The following CUX1 variants were observed in gnomAD, a reference collection of about 807,000 sequenced individuals.
The protein encoded by CUX1 is protein CASP.
Under a neutral mutation model 158.8 loss-of-function variants are expected in CUX1, and 31 were observed. That is an observed-to-expected ratio of 0.20 (90% confidence interval 0.15 to 0.26). The LOEUF is 0.26. Ranked by LOEUF, CUX1 falls within the 10% of genes least tolerant of loss-of-function variation. The pLI is 1.00. For missense variants in CUX1, 1,589 were observed against 2,014.6 expected (o/e 0.79, Z 4.04); for synonymous variants, 879 against 862.1 (o/e 1.02, Z -0.34).
intron 2 of CUX1, among the ~76,000 whole-genome samples, chr7:101,974,154 C>G (rs928673323): frequency 6.6e-6 from 1 of 151,828 alleles, no homozygotes; most frequent in Non-Finnish European, 1.5e-5. Context: ...CAACGTCCAC[C>G]TCCCTGGGCT....
At chr7:102,020,424 G>T (rs947840221) in intron 2 of CUX1, among the ~76,000 whole-genome samples, 2 of 150,042 alleles carry the variant, frequency 1.3e-5, no homozygotes, top group African/African-American at 2.4e-5. Context: ...AATATATATT[G>T]TCTTGTTTTT....
chr7:101,969,944 T>G (rs969909804), intron 2 of CUX1, among the ~76,000 whole-genome samples: 48 of 146,054 alleles, frequency 3.3e-4, no homozygotes, highest in African/African-American at 1.2e-3. Flanking sequence ...CCTTTTTCAA[T>G]TCTGAAACCA....
At chr7:102,246,486 C>T (rs1366308459) in intron 23 of CUX1, among the ~76,000 whole-genome samples, 2 of 152,150 alleles carry the variant, frequency 1.3e-5, no homozygotes, top group Non-Finnish European at 2.9e-5. Flanking sequence ...GTTCAATACC[C>T]TGGGCTAAGC....
In CUX1 at chr7:102,216,604, A is replaced by ACACT. The variant is rs1554524720; in HGVS notation, c.3131-10760_3131-10759insTCAC. 2.5e-4 allele frequency among the ~76,000 whole-genome samples: 16 copies of ACACT among 64,892 alleles called. No individual in the cohort carries two copies. The East Asian group carries it at 4.7e-3, about 19-fold the overall frequency. 42.6% of individuals were successfully genotyped at this position (64,892 alleles called of 152,430 possible). A position where few individuals can be genotyped will look rare whatever the true frequency, so the allele number is the denominator to read the frequency against. On this transcript the variant is annotated intron_variant, in intron 20 of 23. Coordinates refer to ENST00000292535, the MANE Select transcript of CUX1 (RefSeq NM_181552.4). ...CTCTCCCACACACACACTCCCACAC[A>ACACT]CACACACACACTCCCCACACACACA...
chr7:102,210,386 C>G (rs1554522808), intron 20 of CUX1, among the ~76,000 whole-genome samples: 1 of 152,116 alleles, frequency 6.6e-6, no homozygotes, highest in East Asian at 1.9e-4. Flanking sequence ...TGTAAGTCAC[C>G]ACACCCGGCC....
intron 3 of CUX1, among the ~76,000 whole-genome samples, chr7:102,038,674 C>T (rs540061911): frequency 1.1e-3 from 166 of 152,268 alleles, no homozygotes; most frequent in Admixed American, 1.9e-3. Flanking sequence ...ACAAGCATGG[C>T]GGGTGCGGTG....
chr7:101,825,798 T>TGC (rs72447961), intron 1 of CUX1, among the ~76,000 whole-genome samples: 359 of 78,406 alleles, frequency 4.6e-3, no homozygotes, highest in Middle Eastern at 0.016. Flanking sequence ...TGTGTGTGTG[T>TGC]GCGCGCGCGC....
intron 1 of CUX1, among the ~76,000 whole-genome samples, chr7:101,903,853 C>T (rs1802437724): frequency 6.6e-6 from 1 of 152,060 alleles, no homozygotes; most frequent in Non-Finnish European, 1.5e-5. Flanking sequence ...ATTCTTGATT[C>T]TTGATGGAAA....
chr7:101,874,592 A>T (rs567921447), intron 1 of CUX1, among the ~76,000 whole-genome samples: 1 of 152,270 alleles, frequency 6.6e-6, no homozygotes, highest in South Asian at 2.1e-4. Flanking sequence ...GGGCGGTATC[A>T]TCCTGGTTTT....
At chr7:101,974,788 T>C (rs1045717026) in intron 2 of CUX1, among the ~76,000 whole-genome samples, 18 of 152,160 alleles carry the variant, frequency 1.2e-4, no homozygotes, top group Admixed American at 4.6e-4. Flanking sequence ...GAATTATTTG[T>C]GCGTTGTATG....
At chr7:102,051,937 C>T (rs984631461) in intron 3 of CUX1, among the ~76,000 whole-genome samples, 21 of 152,096 alleles carry the variant, frequency 1.4e-4, no homozygotes, top group Admixed American at 6.6e-5. Flanking sequence ...ACTGGCCGGG[C>T]GCGGTGGCTC....
intron 1 of CUX1, among the ~76,000 whole-genome samples, chr7:101,911,403 C>T (rs538837214): frequency 1.0e-4 from 15 of 150,750 alleles, no homozygotes; most frequent in African/African-American, 2.2e-4. Flanking sequence ...TTGGCCCTGC[C>T]GTGGATGACC....
intron 2 of CUX1, among the ~76,000 whole-genome samples, chr7:101,953,917 A>T (rs970647339): frequency 1.3e-5 from 2 of 152,118 alleles, no homozygotes; most frequent in Non-Finnish European, 2.9e-5. Flanking sequence ...TATGGGCAGC[A>T]TGTCTGTATG....
At chr7:102,208,539 C>T (rs1478241468) in intron 20 of CUX1, among the ~76,000 whole-genome samples, 1 of 152,194 alleles carries the variant, frequency 6.6e-6, no homozygotes, top group Non-Finnish European at 1.5e-5. Context: ...CCGTGCCCCA[C>T]CTAGTATATG....
At chr7:102,069,598 A>C (rs968646809) in intron 3 of CUX1, among the ~76,000 whole-genome samples, 16 of 152,036 alleles carry the variant, frequency 1.1e-4, no homozygotes, top group Non-Finnish European at 2.4e-4. Flanking sequence ...AAAATACAAA[A>C]ATTAGTCTGG....
In CUX1 at chr7:102,255,149, G is replaced by A; in HGVS notation, c.*6107G>A. ...CCTCACCACCCTGGTCAGGGGAATAGAAGGAAATGCAATTTCCGCCTGTCT... is the reference window on the plus strand; with the variant it reads ...CCTCACCACCCTGGTCAGGGGAATAAAAGGAAATGCAATTTCCGCCTGTCT... On this transcript the variant is annotated 3_prime_UTR_variant, in exon 24 of 24. Coordinates refer to ENST00000292535, the MANE Select transcript of CUX1 (RefSeq NM_181552.4). The A allele has an allele frequency of 3.0e-6, 3 of 985,396 alleles. No individual in the cohort carries two copies. Among genetic ancestry groups the A allele is most frequent in the Non-Finnish European group, 3.6e-6 (3 of 829,966 alleles). 61.0% of individuals were successfully genotyped at this position (985,396 alleles called of 1,614,324 possible).
intron 3 of CUX1, among the ~76,000 whole-genome samples, chr7:102,040,915 C>T (rs1287263053): frequency 6.6e-6 from 1 of 152,152 alleles, no homozygotes; most frequent in East Asian, 1.9e-4. Flanking sequence ...CCTCATGAGA[C>T]TCACTGGAGC....
At position 101,825,931 on chromosome 7, in the gene CUX1, A is replaced by T. The variant is rs565288908; in HGVS notation, c.30+8262A>T. ...CATTCGAAACAGGTCGCAATCCATT[A>T]TAAATGCAGCTGCCAGATTAATCTT... On this transcript the variant is annotated intron_variant, in intron 1 of 23. Coordinates refer to ENST00000292535, the MANE Select transcript of CUX1 (RefSeq NM_181552.4). 2.0e-4 allele frequency among the ~76,000 whole-genome samples: 31 copies of T among 152,268 alleles called. 2 individuals are homozygous for T. In the South Asian group the frequency reaches 6.0e-3, roughly 30 times the overall value.
intron 8 of CUX1, among the ~76,000 whole-genome samples, chr7:102,138,852 G>A (rs1198936194): frequency 2.6e-5 from 4 of 152,062 alleles, no homozygotes; most frequent in African/African-American, 4.8e-5. Flanking sequence ...GGTATGCCAC[G>A]TAGATCCCAC....
Sources: gnomAD v4.1 joint callset for allele counts (sites outside exome capture counted in the v4.1 genomes callset) on GRCh38, gnomAD v4.1.1 for gene constraint, MANE v1.5 for transcripts, NCBI Gene and HGNC (gene_info 2026-07-23, HGNC 2026-07-21) for gene names.